SULF1: variants seen among roughly 807,000 people sequenced by gnomAD.
SULF1 encodes the protein sulfatase 1.
In SULF1, 46 loss-of-function variants were observed where a neutral mutation model predicts 110.5. That is an observed-to-expected ratio of 0.42 (90% CI 0.33 to 0.53). SULF1 has a LOEUF of 0.53. Ranked by LOEUF, SULF1 falls within the 20% of genes least tolerant of loss-of-function variation. The probability of loss-of-function intolerance (pLI) is 0.12; values close to 1 mark genes in which losing one functional copy is unlikely to be tolerated. For missense variants in SULF1, 941 were observed against 1,094.2 expected, an observed-to-expected ratio of 0.86 and a Z score of 1.98; for synonymous variants, 371 against 387.1, an observed-to-expected ratio of 0.96 and a Z score of 0.49.
Position 69,590,594 on chromosome 8 carries a change from A to G in SULF1, c.734+1453A>G, listed in dbSNP as rs549953594. The stretch of plus-strand genomic sequence containing the variant: ...AGAAGGAGGCCAGAGCTGACTCAGG[A>G]CAAGAACTAACAATATGAAGCCAGG... On this transcript the variant is annotated intron_variant, in intron 8 of 22. Transcript: ENST00000402687. Among the ~76,000 whole-genome samples, 147 of 152,338 alleles carry G rather than the reference A, an allele frequency of 9.6e-4. 1 individual carries two copies. The highest frequency in any genetic ancestry group is 3.5e-3 in the African/African-American group (146 of 41,580).
Position 69,638,838 on chromosome 8 carries a change from G to C in SULF1, c.2531G>C (p.Arg844Thr). ...CAAGGATATAAGCAGTGCAACCCAA[G>C]ACCTAAGAATCTTGATGTTGGTAAG... The part of the protein sequence containing the change: ...SCQGYKQCNP[R>T]PKNLDVGNKD... Residue 844 changes from arginine to threonine, a missense_variant, in exon 21 of 23, where the codon AGA becomes ACA. Arg to Thr is a moderately conservative substitution (Grantham distance 71). Coordinates refer to ENST00000402687, the MANE Select transcript of SULF1 (RefSeq NM_001128205.2). The C allele has an allele frequency of 6.2e-7, 1 of 1,608,982 alleles. No homozygotes were observed. Among genetic ancestry groups the C allele is most frequent in the African/African-American group, 1.3e-5 (1 of 74,784 alleles).
At position 69,564,106 on chromosome 8, in the gene SULF1, A is replaced by G; in HGVS notation, c.131A>G (p.Asn44Ser). The G allele has an allele frequency of 1.2e-5, 19 of 1,614,182 alleles. No homozygotes were observed. Among genetic ancestry groups the G allele is most frequent in the Non-Finnish European group, 1.6e-5 (19 of 1,180,038 alleles). The change falls in exon 5 of 23, where the codon AAC becomes AGC. Residue 44 changes from asparagine (N) to serine (S), a missense_variant. Asn to Ser is a conservative substitution (Grantham distance 46). This residue lies in a region of SULF1 where 822 missense variants were observed against 934.3 expected (regional missense o/e 0.88). Coordinates refer to ENST00000402687, the MANE Select transcript of SULF1 (RefSeq NM_001128205.2). ...IQQERKNIRP[N>S]IILVLTDDQD... ...CAGGAACGAAAAAACATCCGACCCA[A>G]CATTATTCTTGTGCTTACCGATGAT...
At chr8:69,485,020 G>A (rs571883316) in intron 1 of SULF1, among the ~76,000 whole-genome samples, 14 of 152,204 alleles carry the variant, frequency 9.2e-5, no homozygotes, top group African/African-American at 3.4e-4. Flanking sequence ...AGCTTTCCAA[G>A]GTGCCCATCA....
At chr8:69,483,896 T>G (rs542119457) in intron 1 of SULF1, among the ~76,000 whole-genome samples, 2 of 152,372 alleles carry the variant, frequency 1.3e-5, no homozygotes, top group South Asian at 4.1e-4. Flanking sequence ...CAGCTAAGAT[T>G]TATTAAATAC....
intron 3 of SULF1, among the ~76,000 whole-genome samples, chr8:69,549,381 C>G (rs1375905208): frequency 6.6e-6 from 1 of 152,220 alleles, no homozygotes; most frequent in Non-Finnish European, 1.5e-5. Context: ...TAGAGACCCT[C>G]TTTTCCCCTA....
chr8:69,658,120 A>T (rs1171807586), intron 22 of SULF1, among the ~76,000 whole-genome samples: 2 of 152,230 alleles, frequency 1.3e-5, no homozygotes, highest in Admixed American at 6.5e-5. Context: ...TAATGATTTT[A>T]TCATACAACT....
chr8:69,534,919 A>G (rs1813337107), intron 3 of SULF1, among the ~76,000 whole-genome samples: 1 of 152,184 alleles, frequency 6.6e-6, no homozygotes, highest in Non-Finnish European at 1.5e-5. Flanking sequence ...ATGAAATAAT[A>G]TAAGACTTTA....
At chr8:69,545,735 C>T (rs926180016) in intron 3 of SULF1, among the ~76,000 whole-genome samples, 1 of 152,074 alleles carries the variant, frequency 6.6e-6, no homozygotes, top group Non-Finnish European at 1.5e-5. Context: ...TCGCTCTTTT[C>T]GCCCAGGCTG....
intron 22 of SULF1, among the ~76,000 whole-genome samples, chr8:69,652,574 A>G (rs1812422850): frequency 6.6e-6 from 1 of 152,088 alleles, no homozygotes; most frequent in African/African-American, 2.4e-5. Flanking sequence ...TTCTATCTAT[A>G]TTGGGTTGTT....
intron 3 of SULF1, among the ~76,000 whole-genome samples, chr8:69,550,331 TA>T (rs1428037723): frequency 6.6e-6 from 1 of 152,052 alleles, no homozygotes; most frequent in Non-Finnish European, 1.5e-5. Context: ...GTGGCTATGA[TA>T]AAGTGAACTA....
At chr8:69,584,894 A>C (rs1806335333) in intron 6 of SULF1, among the ~76,000 whole-genome samples, 2 of 152,244 alleles carry the variant, frequency 1.3e-5, no homozygotes, top group African/African-American at 4.8e-5. Context: ...AATTATGTAC[A>C]TCATTAAGTT....
chr8:69,562,607 G>C (rs532656578), intron 3 of SULF1, among the ~76,000 whole-genome samples: 141 of 152,090 alleles, frequency 9.3e-4, no homozygotes, highest in Non-Finnish European at 1.3e-3. Context: ...CTTTCAGCAG[G>C]TTAGTGTTCC....
intron 13 of SULF1, among the ~76,000 whole-genome samples, chr8:69,606,669 A>C (rs930230992): frequency 1.3e-5 from 2 of 152,250 alleles, no homozygotes; most frequent in Non-Finnish European, 2.9e-5. Flanking sequence ...AATGTAGCAT[A>C]AACCAGATTA....
At chr8:69,570,066 T>C (rs1487226281) in intron 5 of SULF1, among the ~76,000 whole-genome samples, 1 of 152,170 alleles carries the variant, frequency 6.6e-6, no homozygotes, top group Non-Finnish European at 1.5e-5. Context: ...CATGTGAAAA[T>C]GGCAGGGAAG....
At chr8:69,530,581 C>T (rs185014229) in intron 3 of SULF1, among the ~76,000 whole-genome samples, 1 of 152,274 alleles carries the variant, frequency 6.6e-6, no homozygotes, top group Non-Finnish European at 1.5e-5. Flanking sequence ...CCATCAAAAC[C>T]ACTGCCTAAA....
intron 3 of SULF1, among the ~76,000 whole-genome samples, chr8:69,515,344 G>A (rs550643053): frequency 1.5e-4 from 23 of 152,314 alleles, no homozygotes; most frequent in Middle Eastern, 6.8e-3. Flanking sequence ...TGAAGCAATG[G>A]TCCAAGCTTT....
intron 1 of SULF1, among the ~76,000 whole-genome samples, chr8:69,483,238 C>T (rs1809578092): frequency 6.6e-6 from 1 of 152,154 alleles, no homozygotes; most frequent in African/African-American, 2.4e-5. Context: ...AGTCAGTCAT[C>T]AATAATCAAT....
At chr8:69,639,680 G>A (rs1215281578) in intron 21 of SULF1, among the ~76,000 whole-genome samples, 2 of 152,216 alleles carry the variant, frequency 1.3e-5, no homozygotes, top group Non-Finnish European at 2.9e-5. Flanking sequence ...AGGCACTTGG[G>A]TGCAGTTTGC....
At chr8:69,553,467 A>T (rs1351587020) in intron 3 of SULF1, among the ~76,000 whole-genome samples, 2 of 152,226 alleles carry the variant, frequency 1.3e-5, no homozygotes, top group Non-Finnish European at 2.9e-5. Flanking sequence ...AAACTTTAGG[A>T]GCCCTGGTAA....
Sources: allele counts gnomAD v4.1 joint callset (sites outside exome capture counted in the v4.1 genomes callset), GRCh38; gene constraint gnomAD v4.1.1; regional missense constraint gnomAD v4.1.1; transcripts MANE v1.5; gene names NCBI Gene and HGNC (gene_info 2026-07-23, HGNC 2026-07-21).